FAM13A: variants seen among roughly 807,000 people sequenced by gnomAD.
FAM13A encodes the protein family with sequence similarity 13 member A.
FAM13A carries 76 observed loss-of-function variants against 129.6 expected under a neutral mutation model. The ratio of observed to expected loss-of-function variants is 0.59; its 90% CI spans 0.49 to 0.71. The LOEUF (loss-of-function observed/expected upper bound fraction) is 0.71, where lower values mean the gene tolerates loss of function less well. Ranked by LOEUF, FAM13A falls within the 30% of genes least tolerant of loss-of-function variation. The pLI is 0.00. For missense variants in FAM13A, 1,108 were observed against 1,249.3 expected (o/e 0.89, Z 1.70); for synonymous variants, 443 against 449.9 (o/e 0.98, Z 0.20).
At chr4:88,971,595 C>T (rs1224715819) in intron 4 of FAM13A, among the ~76,000 whole-genome samples, 4 of 152,158 alleles carry the variant, frequency 2.6e-5, no homozygotes, top group Admixed American at 2.0e-4. Flanking sequence ...CAGCCTTGAA[C>T]TCCTTGGCTC....
intron 5 of FAM13A, among the ~76,000 whole-genome samples, chr4:88,931,449 T>C (rs1338563949): frequency 1.3e-5 from 2 of 152,164 alleles, no homozygotes; most frequent in Non-Finnish European, 2.9e-5. Context: ...GAGCCTCTCC[T>C]GGCTCTCAGT....
At chr4:88,997,801 T>G (rs1473661973) in intron 3 of FAM13A, among the ~76,000 whole-genome samples, 1 of 152,136 alleles carries the variant, frequency 6.6e-6, no homozygotes, top group Non-Finnish European at 1.5e-5. Context: ...GGTCAACCAT[T>G]AAGACAACCA....
intron 4 of FAM13A, among the ~76,000 whole-genome samples, chr4:88,961,584 G>A (rs571967460): frequency 6.6e-5 from 10 of 152,046 alleles, no homozygotes; most frequent in Admixed American, 5.2e-4. Flanking sequence ...GGCCAGGCTG[G>A]TCTCGAACTC....
At chr4:88,858,245 C>T (rs1738883627) in intron 6 of FAM13A, among the ~76,000 whole-genome samples, 1 of 152,110 alleles carries the variant, frequency 6.6e-6, no homozygotes, top group Non-Finnish European at 1.5e-5. Context: ...GGTGAGGTTT[C>T]TTATTAATCT....
At chr4:88,751,060 G>A (rs1742494075) in intron 14 of FAM13A, among the ~76,000 whole-genome samples, 1 of 152,140 alleles carries the variant, frequency 6.6e-6, no homozygotes, top group Non-Finnish European at 1.5e-5. Flanking sequence ...TGGCCAACAT[G>A]GTGAAACTCT....
At chr4:88,945,549 T>C (rs1755525722) in intron 4 of FAM13A, among the ~76,000 whole-genome samples, 2 of 151,842 alleles carry the variant, frequency 1.3e-5, no homozygotes, top group South Asian at 4.1e-4. Flanking sequence ...TTTTTGGGGG[T>C]CACTTGACAA....
intron 22 of FAM13A, 198 bp from the exon 23 acceptor site, chr4:88,731,626 T>G: frequency 1.8e-6 from 1 of 558,408 alleles, no homozygotes; most frequent in Non-Finnish European, 3.1e-6. Flanking sequence ...ATCCAGCTTC[T>G]GGGGGTTCCT....
At chr4:88,997,981 C>T (rs986236361) in intron 3 of FAM13A, among the ~76,000 whole-genome samples, 6 of 152,254 alleles carry the variant, frequency 3.9e-5, no homozygotes, top group South Asian at 4.1e-4. Flanking sequence ...CTCGACAACA[C>T]GGGCAGCCTC....
At chr4:88,923,711 G>C (rs1257064511) in intron 5 of FAM13A, among the ~76,000 whole-genome samples, 1 of 152,256 alleles carries the variant, frequency 6.6e-6, no homozygotes, top group East Asian at 1.9e-4. Context: ...AGGGCAATTA[G>C]GCAGGAGAAG....
intron 6 of FAM13A, among the ~76,000 whole-genome samples, chr4:88,866,880 G>A (rs920441110): frequency 5.3e-5 from 8 of 152,254 alleles, no homozygotes; most frequent in African/African-American, 1.7e-4. Context: ...CTGATGAAAT[G>A]TTAATATAAT....
At chr4:88,998,634 T>C (rs1162263802) in intron 3 of FAM13A, among the ~76,000 whole-genome samples, 1 of 152,184 alleles carries the variant, frequency 6.6e-6, no homozygotes, top group Non-Finnish European at 1.5e-5. Context: ...TAGAAACCTA[T>C]AAGGCTGCAT....
In FAM13A at chr4:88,978,093, T is replaced by C. The variant is rs555025657; in HGVS notation, c.605+12880A>G. Among the ~76,000 whole-genome samples the C allele has an allele frequency of 1.6e-4, 24 of 152,298 alleles. 1 individual carries two copies. The South Asian group carries it at 3.3e-3, about 21-fold the overall frequency. On this transcript the variant is annotated intron_variant, in intron 4 of 23. Transcript: ENST00000264344. ...GTTTTACATGGTTCAATCTAATACC[T>C]ATAACTACCTCACCAAGAGACAACG...
intron 3 of FAM13A, among the ~76,000 whole-genome samples, chr4:89,013,771 G>A (rs775248005): frequency 9.2e-5 from 14 of 152,174 alleles, no homozygotes; most frequent in Admixed American, 1.3e-4. Flanking sequence ...GGTTTATGTA[G>A]TTACTATACA....
At chr4:88,806,148 C>T (rs368900295) in intron 7 of FAM13A, among the ~76,000 whole-genome samples, 72 of 151,850 alleles carry the variant, frequency 4.7e-4, no homozygotes, top group Admixed American at 1.8e-3. Context: ...TTTTCAGTGG[C>T]CACTCCCCTC....
At chr4:88,764,420 T>C (rs1745367764) in intron 13 of FAM13A, among the ~76,000 whole-genome samples, 1 of 152,194 alleles carries the variant, frequency 6.6e-6, no homozygotes, top group Non-Finnish European at 1.5e-5. Flanking sequence ...CAGAGATTCA[T>C]TGTAAGGTTT....
In FAM13A at chr4:88,920,393, G is replaced by A. The variant is rs532482397; in HGVS notation, c.760-13931C>T. ...TCAGACAGCAGCATTCGCGGTTCAC[G>A]AAAATCCGCTGTTCTGCAGCCACCG... On this transcript the variant is annotated intron_variant, in intron 5 of 23. Transcript: ENST00000264344. Among the ~76,000 whole-genome samples, 81 of 152,274 alleles carry A rather than the reference G, an allele frequency of 5.3e-4. 1 individual carries two copies. Among genetic ancestry groups the A allele is most frequent in the African/African-American group, 1.9e-3 (78 of 41,544 alleles).
At chr4:88,853,692 A>T (rs1456230274) in intron 6 of FAM13A, among the ~76,000 whole-genome samples, 2 of 152,210 alleles carry the variant, frequency 1.3e-5, no homozygotes, top group East Asian at 3.9e-4. Flanking sequence ...GAAGGATGCA[A>T]AGTACTGTTC....
At chr4:88,895,136 C>T (rs1746064701) in intron 6 of FAM13A, among the ~76,000 whole-genome samples, 1 of 152,050 alleles carries the variant, frequency 6.6e-6, no homozygotes, top group African/African-American at 2.4e-5. Context: ...TGGCACTTGA[C>T]TGATGTTAGT....
chr4:89,055,714 G>A (rs10029662), intron 1 of FAM13A, among the ~76,000 whole-genome samples: 51,492 of 152,012 alleles, frequency 0.34, 9,221 homozygotes, highest in Middle Eastern at 0.47. Context: ...AGATAAATCA[G>A]ATTTTGAAGG....
Sources: gnomAD v4.1 joint callset for allele counts (sites outside exome capture counted in the v4.1 genomes callset) on GRCh38, gnomAD v4.1.1 for gene constraint, MANE v1.5 for transcripts, NCBI Gene and HGNC (gene_info 2026-07-23, HGNC 2026-07-21) for gene names.